PLEKHA3: variants seen among roughly 807,000 people sequenced by gnomAD.
PLEKHA3 encodes pleckstrin homology domain-containing family A member 3.
A neutral mutation model predicts 39.2 loss-of-function variants in PLEKHA3; 19 were observed. The observed-to-expected ratio is 0.48, with a 90% CI of 0.34 to 0.71. The LOEUF is 0.71. Ranked by LOEUF, PLEKHA3 falls within the 30% of genes least tolerant of loss-of-function variation. PLEKHA3 has a pLI of 0.01. For synonymous variants in PLEKHA3, 97 were observed against 118.6 expected, an observed-to-expected ratio of 0.82 and a Z score of 1.18; for missense variants, 253 against 359.5, an observed-to-expected ratio of 0.70 and a Z score of 2.40.
chr2:178,502,459 A>G, intron 7 of PLEKHA3: 1 of 314,492 alleles, frequency 3.2e-6, no homozygotes, highest in East Asian at 1.4e-4. Context: ...GAGGTTGAGT[A>G]TGTGAAAAAA....
In PLEKHA3 at chr2:178,508,315, T is replaced by G. The variant is rs1159340774; in HGVS notation, c.*4428T>G. On this transcript the variant is annotated 3_prime_UTR_variant, in exon 8 of 8. Transcript: ENST00000234453. ...TTTAATTTCTAAGAGGTCTTTTTTT[T>G]CTGTTTCATTTCATAAAAACCTATT... 1 of 152,082 alleles carries G rather than the reference T, an allele frequency of 6.6e-6. No homozygotes were observed. Among genetic ancestry groups the G allele is most frequent in the Non-Finnish European group, 1.5e-5 (1 of 67,972 alleles). The allele number at this position is 152,082 out of a possible 1,614,324, so 9.4% of individuals were successfully genotyped here.
At position 178,507,589 on chromosome 2, in the gene PLEKHA3, G is replaced by A. The variant is rs1685623075; in HGVS notation, c.*3702G>A. On this transcript the variant is annotated 3_prime_UTR_variant, in exon 8 of 8. Transcript: ENST00000234453. ...TTCATCTTCTGCCATTTGTACTGTT[G>A]CCCTCCAGGCCTGTTCTATGGTTCA... is the stretch of plus-strand genomic sequence containing the variant. 7.2e-6 allele frequency: 1 copy of A among 139,210 alleles called. No homozygotes were observed. The highest frequency in any genetic ancestry group is 2.7e-5 in the African/African-American group (1 of 37,390). The allele number at this position is 139,210 out of a possible 1,614,324, so 8.6% of individuals were successfully genotyped here. A position where few individuals can be genotyped will look rare whatever the true frequency, so the allele number is the denominator to read the frequency against.
chr2:178,487,811 A>G (rs1399265339), intron 2 of PLEKHA3, among the ~76,000 whole-genome samples: 2 of 152,156 alleles, frequency 1.3e-5, no homozygotes, highest in East Asian at 1.9e-4. Context: ...TCTGCAATCG[A>G]TCAGAGTATT....
intron 2 of PLEKHA3, among the ~76,000 whole-genome samples, chr2:178,488,758 A>G (rs939948164): frequency 6.6e-6 from 1 of 152,204 alleles, no homozygotes; most frequent in South Asian, 2.1e-4. Flanking sequence ...TTCCACAGCT[A>G]TCTGCTGGAA....
intron 3 of PLEKHA3, among the ~76,000 whole-genome samples, chr2:178,492,280 C>T (rs1685359744): frequency 6.6e-6 from 1 of 151,312 alleles, no homozygotes; most frequent in South Asian, 2.1e-4. Flanking sequence ...AATATAGCTA[C>T]AGGTAGGATA....
Position 178,490,724 on chromosome 2 carries a change from G to T in PLEKHA3, c.223G>T (p.Ala75Ser), listed in dbSNP as rs910073501. ...IPGEQHFYMK[A>S]VNAAERQRWL... ...TGGAGAGCAGCATTTCTACATGAAG[G>T]CAGTGAATGCAGCTGAAAGACAGAG... Residue 75 changes from alanine to serine, a missense_variant, in exon 3 of 8, where the codon GCA becomes TCA. Around this residue, in one of 2 missense-constraint regions of PLEKHA3, gnomAD observed 126 missense variants for 222.7 expected, o/e 0.57. Coordinates refer to ENST00000234453, the MANE Select transcript of PLEKHA3 (RefSeq NM_019091.4). 6.2e-7 allele frequency: 1 copy of T among 1,613,846 alleles called. No individual in the cohort carries two copies. Among genetic ancestry groups the T allele is most frequent in the Non-Finnish European group, 8.5e-7 (1 of 1,179,748 alleles).
intron 1 of PLEKHA3, 38 bp downstream of exon 1, chr2:178,480,947 C>A (rs1450079562): frequency 1.5e-6 from 2 of 1,304,344 alleles, no homozygotes; most frequent in African/African-American, 1.5e-5. Context: ...AGGGGAGAGG[C>A]GGGGGGCTGC....
At position 178,501,265 on chromosome 2, in the gene PLEKHA3, C is replaced by T; in HGVS notation, c.775+89C>T. On this transcript the variant is annotated intron_variant, in intron 7 of 7. Transcript: ENST00000234453. Reference sequence around the variant, plus strand: ...AATTTCTGGAAATGAAGTATACTGACTGAACATTGTACTTTGTTTCTTTGA... The same window carrying T: ...AATTTCTGGAAATGAAGTATACTGATTGAACATTGTACTTTGTTTCTTTGA... The T allele has an allele frequency of 6.7e-6, 6 of 897,242 alleles. 1 individual carries two copies. In the South Asian group the frequency reaches 9.3e-5, roughly 14 times the overall value. The allele number at this position is 897,242 out of a possible 1,614,324, so 55.6% of individuals were successfully genotyped here. A position where few individuals can be genotyped will look rare whatever the true frequency, so the allele number is the denominator to read the frequency against.
chr2:178,484,712 C>T (rs964180782), intron 1 of PLEKHA3, among the ~76,000 whole-genome samples: 9 of 152,212 alleles, frequency 5.9e-5, no homozygotes, highest in Admixed American at 3.3e-4. Flanking sequence ...ACACTGCTCC[C>T]AGCATGGTCA....
At position 178,515,389 on chromosome 2, in the gene PLEKHA3, A is replaced by C. The variant is rs1685747220; in HGVS notation, c.*11502A>C. ...TTCCAATGTTGTCTATAATTAGCCA[A>C]AAAAAGACATATGAACTTTTCTCAT... On this transcript the variant is annotated 3_prime_UTR_variant, in exon 8 of 8. Coordinates refer to ENST00000234453, the MANE Select transcript of PLEKHA3 (RefSeq NM_019091.4). 6.6e-6 allele frequency: 1 copy of C among 152,122 alleles called. No homozygotes were observed. The highest frequency in any genetic ancestry group is 2.4e-5 in the African/African-American group (1 of 41,440). 9.4% of individuals were successfully genotyped at this position (152,122 alleles called of 1,614,324 possible). A position where few individuals can be genotyped will look rare whatever the true frequency, so the allele number is the denominator to read the frequency against.
Position 178,501,318 on chromosome 2 carries a change from C to T in PLEKHA3, c.775+142C>T, listed in dbSNP as rs534474865. The T allele has an allele frequency of 2.2e-3, 1,404 of 630,590 alleles. 33 individuals are homozygous for T. The highest frequency in any genetic ancestry group is 0.019 in the South Asian group (924 of 48,146). The allele number at this position is 630,590 out of a possible 1,614,324, so 39.1% of individuals were successfully genotyped here. On this transcript the variant is annotated intron_variant, in intron 7 of 7. Transcript: ENST00000234453. Reference sequence around the variant, plus strand: ...CCTTAATTCAGAGGTAAGCAAACAGCGCTCAATCAATGAAAGCTCATATAT... The same window carrying T: ...CCTTAATTCAGAGGTAAGCAAACAGTGCTCAATCAATGAAAGCTCATATAT...
rs1685429956 is a variant in PLEKHA3, at chr2:178,495,650, C to T, written c.605C>T (p.Pro202Leu). ...TTAGTTTCTCCTGTGTCACCTTCTCCTGTTCAAATGGTTTGAACTTCTTGT... is the reference window on the plus strand; with the variant it reads ...TTAGTTTCTCCTGTGTCACCTTCTCTTGTTCAAATGGTTTGAACTTCTTGT... ...DPLVSPVSPS[P>L]VQMMKRSVSH... The change falls in exon 5 of 8, where the codon CCT (proline) becomes CTT (leucine). Residue 202 changes from proline (P) to leucine (L), a missense_variant. Coordinates refer to ENST00000234453, the MANE Select transcript of PLEKHA3 (RefSeq NM_019091.4). 2.5e-6 allele frequency: 4 copies of T among 1,607,834 alleles called. No homozygotes were observed. Among genetic ancestry groups the T allele is most frequent in the African/African-American group, 2.7e-5 (2 of 74,580 alleles).
At chr2:178,484,808 G>GCCCA (rs1685221143) in intron 1 of PLEKHA3, among the ~76,000 whole-genome samples, 1 of 152,230 alleles carries the variant, frequency 6.6e-6, no homozygotes, top group African/African-American at 2.4e-5. Context: ...TCAAAGAGGA[G>GCCCA]TGGGAATTGG....
chr2:178,499,041 G>A (rs1369750496), intron 5 of PLEKHA3, among the ~76,000 whole-genome samples, 170 bp from the exon 6 acceptor site: 1 of 151,564 alleles, frequency 6.6e-6, no homozygotes, highest in African/African-American at 2.4e-5. Context: ...AAAGCTTGAT[G>A]TTGTACTAAT....
intron 1 of PLEKHA3, 92 bp from the exon 2 acceptor site, chr2:178,485,549 T>C: frequency 1.3e-6 from 1 of 766,344 alleles, no homozygotes; most frequent in Non-Finnish European, 2.2e-6. Flanking sequence ...AGCCAAGAAA[T>C]AATGTGGATG....
chr2:178,507,166 A>G lies in PLEKHA3; in HGVS notation c.*3279A>G, dbSNP rs1474492161. 6.6e-6 allele frequency: 1 copy of G among 152,132 alleles called. No homozygotes were observed. The highest frequency in any genetic ancestry group is 1.5e-5 in the Non-Finnish European group (1 of 68,004). The allele number at this position is 152,132 out of a possible 1,614,324, so 9.4% of individuals were successfully genotyped here. A position where few individuals can be genotyped will look rare whatever the true frequency, so the allele number is the denominator to read the frequency against. Reference sequence around the variant, plus strand: ...TTATACTACTTTTTGTTGACTTATCAATTTCAGAAACAGTTTCTCGAATAC... The same window carrying G: ...TTATACTACTTTTTGTTGACTTATCGATTTCAGAAACAGTTTCTCGAATAC... On this transcript the variant is annotated 3_prime_UTR_variant, in exon 8 of 8. Transcript: ENST00000234453.
In PLEKHA3 at chr2:178,507,182, T is replaced by G. The variant is rs1304151146; in HGVS notation, c.*3295T>G. ...TGACTTATCAATTTCAGAAACAGTT[T>G]CTCGAATACCTTTTATGGTAGACAG... On this transcript the variant is annotated 3_prime_UTR_variant, in exon 8 of 8. Transcript: ENST00000234453. 3 of 152,164 alleles carry G rather than the reference T, an allele frequency of 2.0e-5. No individual in the cohort carries two copies. Among genetic ancestry groups the G allele is most frequent in the African/African-American group, 7.2e-5 (3 of 41,430 alleles). 9.4% of individuals were successfully genotyped at this position (152,164 alleles called of 1,614,324 possible).
At chr2:178,499,938 C>T (rs1685502617) in intron 6 of PLEKHA3, among the ~76,000 whole-genome samples, 1 of 152,114 alleles carries the variant, frequency 6.6e-6, no homozygotes, top group African/African-American at 2.4e-5. Flanking sequence ...CATTTTACCT[C>T]AGCTGTTTAT....
chr2:178,490,993 C>T (rs1428464475), intron 3 of PLEKHA3, among the ~76,000 whole-genome samples, 179 bp downstream of exon 3: 2 of 149,040 alleles, frequency 1.3e-5, no homozygotes, highest in Non-Finnish European at 3.0e-5. Context: ...GGGAATGGCT[C>T]AATAAACTCT....
Sources: gnomAD v4.1 joint callset for allele counts (sites outside exome capture counted in the v4.1 genomes callset) on GRCh38, gnomAD v4.1.1 for gene constraint, gnomAD v4.1.1 regional missense constraint, MANE v1.5 for transcripts, NCBI Gene and HGNC (gene_info 2026-07-23, HGNC 2026-07-21) for gene names.